Variants in RASGRP3 observed in about 807,000 individuals in gnomAD.
RASGRP3 encodes RAS guanyl releasing protein 3.
A neutral mutation model predicts 82.7 loss-of-function variants in RASGRP3; 54 were observed. The observed-to-expected ratio is 0.65, with a 90% confidence interval of 0.52 to 0.82. The LOEUF (loss-of-function observed/expected upper bound fraction) is 0.82. Ranked by LOEUF, RASGRP3 falls within the 40% of genes least tolerant of loss-of-function variation. RASGRP3 has a pLI of 0.00. For synonymous variants in RASGRP3, 309 were observed against 300.5 expected (o/e 1.03, Z -0.29); for missense variants, 861 against 828.9 (o/e 1.04, Z -0.48).
chr2:33,534,262 G>A, intron 10 of RASGRP3, 61 bp from the exon 11 acceptor site: 2 of 1,182,408 alleles, frequency 1.7e-6, no homozygotes, highest in Non-Finnish European at 2.5e-6. Context: ...AAAAAATTCA[G>A]CAACGTAAAT....
chr2:33,511,409 A>G (rs767078149), intron 1 of RASGRP3, among the ~76,000 whole-genome samples: 1 of 152,262 alleles, frequency 6.6e-6, no homozygotes, highest in South Asian at 2.1e-4. Flanking sequence ...CTTAATGAGT[A>G]ATCCACTGAT....
In RASGRP3 at chr2:33,558,290, G is replaced by C; in HGVS notation, c.1659G>C (p.Leu553Phe). ...GGAGATTTGCCCGGGCGCCCTCCTT[G>C]AGCAGTGGTCATGGGTCACTGCCTG... is the stretch of plus-strand genomic sequence containing the variant. ...ACRRFARAPS[L>F]SSGHGSLPGS... The change falls in exon 16 of 18, where the codon TTG becomes TTC. Residue 553 changes from leucine to phenylalanine, a missense_variant. Physicochemically the swap from Leu to Phe is conservative, Grantham distance 22. Transcript: ENST00000403687. 6.2e-7 allele frequency: 1 copy of C among 1,613,664 alleles called. No homozygotes were observed. The highest frequency in any genetic ancestry group is 8.5e-7 in the Non-Finnish European group (1 of 1,179,832).
At chr2:33,463,411 G>A (rs192363245) in intron 2 of RASGRP3, among the ~76,000 whole-genome samples, 2 of 152,202 alleles carry the variant, frequency 1.3e-5, no homozygotes, top group East Asian at 3.9e-4. Context: ...AAAGAAAAGA[G>A]AAGAGATAAA....
At chr2:33,536,419 G>A in intron 11 of RASGRP3, among the ~76,000 whole-genome samples, 1 of 151,776 alleles carries the variant, frequency 6.6e-6, no homozygotes, top group Admixed American at 6.5e-5. Context: ...AAGTTGGAGA[G>A]CTGGGATTCA....
At position 33,556,539 on chromosome 2, in the gene RASGRP3, G is replaced by A. The variant is rs1029723604; in HGVS notation, c.1579+972G>A. 5.6e-5 allele frequency among the ~76,000 whole-genome samples: 5 copies of A among 88,550 alleles called. No homozygotes were observed. In the South Asian group the frequency reaches 1.3e-3, roughly 24 times the overall value. 58.1% of individuals were successfully genotyped at this position (88,550 alleles called of 152,430 possible). ...TGGGATTACAGGCGTGAGCCACCGC[G>A]CCCGGCCTCTTCTAATAATCTTATA... On this transcript the variant is annotated intron_variant, in intron 15 of 17. Transcript: ENST00000403687.
chr2:33,499,529 G>C (rs1216260936), intron 1 of RASGRP3, among the ~76,000 whole-genome samples: 1 of 152,172 alleles, frequency 6.6e-6, no homozygotes, highest in Non-Finnish European at 1.5e-5. Context: ...CTGCACTCCA[G>C]CCTGGGCAAC....
intron 2 of RASGRP3, among the ~76,000 whole-genome samples, chr2:33,464,679 G>A (rs1558406935): frequency 6.6e-6 from 1 of 151,952 alleles, no homozygotes. Context: ...GTTTCACTAT[G>A]TTGCCCAGGT....
intron 2 of RASGRP3, among the ~76,000 whole-genome samples, chr2:33,470,540 C>T (rs1193449580): frequency 5.3e-5 from 8 of 151,906 alleles, no homozygotes; most frequent in South Asian, 2.1e-4. Flanking sequence ...CCACCATGCC[C>T]GGCTAATTTT....
intron 10 of RASGRP3, 37 bp downstream of exon 10, chr2:33,527,449 C>A (rs1672693610): frequency 6.4e-7 from 1 of 1,561,618 alleles, no homozygotes; most frequent in Non-Finnish European, 8.7e-7. Context: ...CTCAATAATT[C>A]TTCTGCACCT....
At chr2:33,510,808 T>G (rs888179414) in intron 1 of RASGRP3, among the ~76,000 whole-genome samples, 1 of 152,194 alleles carries the variant, frequency 6.6e-6, no homozygotes, top group African/African-American at 2.4e-5. Flanking sequence ...TTCAGTTACC[T>G]AATGTTGAAA....
chr2:33,465,273 T>C (rs566617577), intron 2 of RASGRP3, among the ~76,000 whole-genome samples: 57 of 152,344 alleles, frequency 3.7e-4, no homozygotes, highest in African/African-American at 1.3e-3. Flanking sequence ...CAAAGCTTAA[T>C]CTAGAGCAAA....
At chr2:33,465,260 A>T (rs139633050) in intron 2 of RASGRP3, among the ~76,000 whole-genome samples, 4,887 of 152,352 alleles carry the variant, frequency 0.032, 110 homozygotes, top group Middle Eastern at 0.058. Flanking sequence ...TATTCCCTTC[A>T]GCCAAAGCTT....
chr2:33,455,124 A>G (rs1040192991), intron 2 of RASGRP3, among the ~76,000 whole-genome samples: 1 of 152,190 alleles, frequency 6.6e-6, no homozygotes, highest in East Asian at 1.9e-4. Flanking sequence ...TCTATAGGAG[A>G]TGATGTCATG....
At chr2:33,471,688 A>G (rs965083265), upstream of RASGRP3, among the ~76,000 whole-genome samples, 2 of 152,090 alleles carry the variant, frequency 1.3e-5, no homozygotes, top group Non-Finnish European at 2.9e-5. Context: ...AATCTGAACT[A>G]AGAGCTTTTT....
intron 3 of RASGRP3, among the ~76,000 whole-genome samples, chr2:33,516,092 A>T (rs1029800480): frequency 6.6e-6 from 1 of 152,340 alleles, no homozygotes; most frequent in East Asian, 1.9e-4. Context: ...TTGCAAGGAA[A>T]TACTAGCCGA....
chr2:33,460,650 G>T (rs563676364), intron 2 of RASGRP3, among the ~76,000 whole-genome samples: 55 of 151,870 alleles, frequency 3.6e-4, no homozygotes, highest in African/African-American at 1.2e-3. Context: ...GAGTAGCTGG[G>T]ACTACAGGCA....
At chr2:33,547,171 C>T (rs1356676174) in intron 13 of RASGRP3, among the ~76,000 whole-genome samples, 1 of 151,304 alleles carries the variant, frequency 6.6e-6, no homozygotes, top group African/African-American at 2.4e-5. Context: ...AACCAAATAC[C>T]ACAGGTTCTC....
In RASGRP3 at chr2:33,524,048, C is replaced by G; in HGVS notation, c.686C>G (p.Ala229Gly). Residue 229 changes from alanine to glycine, a missense_variant, in exon 8 of 18, where the codon GCA becomes GGA. Physicochemically the swap from Ala to Gly is moderately conservative, Grantham distance 60. Transcript: ENST00000403687. ...GTCATCACAAAGTTTATCAATGTTG[C>G]AAAGGTATGTCTGGTAATCAGACTG... ...AEVITKFINV[A>G]KKLLQLKNFN... is the part of the protein sequence containing the mutation. The G allele has an allele frequency of 6.2e-7, 1 of 1,613,682 alleles. No homozygotes were observed. The highest frequency in any genetic ancestry group is 1.3e-5 in the African/African-American group (1 of 75,044).
At chr2:33,549,501 T>C in intron 13 of RASGRP3, 103 bp from the exon 14 acceptor site, 1 of 1,151,370 alleles carries the variant, frequency 8.7e-7, no homozygotes, top group Non-Finnish European at 1.2e-6. Context: ...GTGCCTCAAC[T>C]GCTTTTGGCC....
Sources: allele counts gnomAD v4.1 joint callset (sites outside exome capture counted in the v4.1 genomes callset), GRCh38; gene constraint gnomAD v4.1.1; transcripts MANE v1.5; gene names NCBI Gene and HGNC (gene_info 2026-07-23, HGNC 2026-07-21).